CSGALNACT2: variants seen among roughly 807,000 people sequenced by gnomAD.
CSGALNACT2 encodes beta 4 GalNAcT-2.
Under a neutral mutation model 55.3 loss-of-function variants are expected in CSGALNACT2, and 35 were observed. The observed-to-expected ratio is 0.63, with a 90% CI of 0.48 to 0.84. CSGALNACT2 has a LOEUF of 0.84. CSGALNACT2 is among the 40% of genes least tolerant of loss of function. The pLI is 0.00. For synonymous variants in CSGALNACT2, 196 were observed against 224.9 expected (o/e 0.87, Z 1.15); for missense variants, 544 against 657.5 (o/e 0.83, Z 1.89).
At chr10:43,148,400 A>G (rs1014677210) in intron 1 of CSGALNACT2, among the ~76,000 whole-genome samples, 1 of 152,230 alleles carries the variant, frequency 6.6e-6, no homozygotes, top group African/African-American at 2.4e-5. Context: ...TATAAATTTT[A>G]AGATCAGCTT....
At chr10:43,164,432 C>A (rs1839216073) in intron 5 of CSGALNACT2, among the ~76,000 whole-genome samples, 1 of 152,164 alleles carries the variant, frequency 6.6e-6, no homozygotes, top group African/African-American at 2.4e-5. Flanking sequence ...TGCAAAAATA[C>A]CCCCATGCAT....
At chr10:43,157,076 C>T (rs548463599) in intron 2 of CSGALNACT2, among the ~76,000 whole-genome samples, 30 of 152,346 alleles carry the variant, frequency 2.0e-4, no homozygotes, top group Non-Finnish European at 1.3e-4. Flanking sequence ...CTTTTTTCTG[C>T]TGTCACTTCC....
chr10:43,147,282 T>C (rs1838778543), intron 1 of CSGALNACT2, among the ~76,000 whole-genome samples: 1 of 152,186 alleles, frequency 6.6e-6, no homozygotes. Context: ...GCCGAGCATC[T>C]TTTTCAAGTG....
Position 43,154,937 on chromosome 10 carries a change from G to T in CSGALNACT2, c.-213G>T. The T allele has an allele frequency of 1.9e-6, 1 of 538,496 alleles. No homozygotes were observed. The allele number at this position is 538,496 out of a possible 1,614,324, so 33.4% of individuals were successfully genotyped here. ...TATAATGGATTTTATATATCAGATT[G>T]CTTTATTCTGGATATCATGGTAACA... On this transcript the variant is annotated 5_prime_UTR_variant, in exon 2 of 8. Transcript: ENST00000374466.
At chr10:43,170,406 G>A (rs1839359600) in intron 6 of CSGALNACT2, among the ~76,000 whole-genome samples, 2 of 152,180 alleles carry the variant, frequency 1.3e-5, no homozygotes, top group African/African-American at 4.8e-5. Context: ...AAGTAAGAAA[G>A]CACTCAATAA....
intron 1 of CSGALNACT2, among the ~76,000 whole-genome samples, chr10:43,142,312 A>G (rs1377508973): frequency 2.0e-5 from 3 of 151,934 alleles, no homozygotes; most frequent in Non-Finnish European, 4.4e-5. Flanking sequence ...CCTGGGTTCA[A>G]GTGATTCTCC....
intron 1 of CSGALNACT2, among the ~76,000 whole-genome samples, chr10:43,150,238 A>G (rs1271835461): frequency 2.6e-5 from 4 of 152,128 alleles, no homozygotes; most frequent in Admixed American, 6.5e-5. Context: ...GTTAGTTTCT[A>G]TCTTTCTAGG....
At chr10:43,146,837 C>T (rs1051229182) in intron 1 of CSGALNACT2, among the ~76,000 whole-genome samples, 1 of 151,856 alleles carries the variant, frequency 6.6e-6, no homozygotes, top group African/African-American at 2.4e-5. Flanking sequence ...CTAGTCCTTC[C>T]ACGTTAACAA....
chr10:43,181,307 G>C (rs772281638), intron 7 of CSGALNACT2, among the ~76,000 whole-genome samples: 9 of 152,206 alleles, frequency 5.9e-5, no homozygotes, highest in Admixed American at 3.3e-4. Flanking sequence ...TTTGAGGGCA[G>C]TGGTTTACCC....
chr10:43,163,880 A>G lies in CSGALNACT2; in HGVS notation c.995A>G (p.His332Arg). ...LESVTSESNF[H>R]NYTLVSLNEE... Reference sequence around the variant, plus strand: ...TTTCCTCATAGTGAGTCTAATTTTCACAATTACACCTTGGTCTCATTGAAT... The same window carrying G: ...TTTCCTCATAGTGAGTCTAATTTTCGCAATTACACCTTGGTCTCATTGAAT... Residue 332 changes from histidine to arginine, a missense_variant, in exon 5 of 8, where the codon CAC becomes CGC. His to Arg is a conservative substitution (Grantham distance 29, BLOSUM62 0). Around this residue, in one of 2 missense-constraint regions of CSGALNACT2, gnomAD observed 374 missense variants for 401.3 expected, o/e 0.93. Coordinates refer to ENST00000374466, the MANE Select transcript of CSGALNACT2 (RefSeq NM_018590.5). The G allele has an allele frequency of 6.2e-7, 1 of 1,612,626 alleles. No homozygotes were observed.
In CSGALNACT2 at chr10:43,162,853, T is replaced by A. The variant is rs1839181540; in HGVS notation, c.981-1013T>A. On this transcript the variant is annotated intron_variant, in intron 4 of 7. Coordinates refer to ENST00000374466, the MANE Select transcript of CSGALNACT2 (RefSeq NM_018590.5). ...AACACAGGAAGCTGATGCTGTGGGT[T>A]TGGGGGCCTCACTGTGAGAACCACT... The A allele has an allele frequency of 3.1e-6, 3 of 975,872 alleles. No homozygotes were observed. The African/African-American group carries it at 5.3e-5, about 17-fold the overall frequency. 60.5% of individuals were successfully genotyped at this position (975,872 alleles called of 1,614,324 possible).
chr10:43,158,546 T>TAA (rs1839068735), intron 2 of CSGALNACT2, among the ~76,000 whole-genome samples, 169 bp from the exon 3 acceptor site: 2 of 152,224 alleles, frequency 1.3e-5, no homozygotes. Flanking sequence ...CCTTTTCTTT[T>TAA]AAGCGAGTAA....
chr10:43,145,131 G>C (rs2133091895), intron 1 of CSGALNACT2, among the ~76,000 whole-genome samples: 1 of 152,246 alleles, frequency 6.6e-6, no homozygotes, highest in East Asian at 1.9e-4. Context: ...TTTTGGTATT[G>C]TTAAAGTATA....
At chr10:43,145,316 A>G (rs1838719983) in intron 1 of CSGALNACT2, among the ~76,000 whole-genome samples, 1 of 151,568 alleles carries the variant, frequency 6.6e-6, no homozygotes, top group Admixed American at 6.6e-5. Flanking sequence ...TTATATTTAT[A>G]TAGTTGCCTT....
intron 1 of CSGALNACT2, among the ~76,000 whole-genome samples, chr10:43,144,863 C>T (rs1305646021): frequency 6.6e-6 from 1 of 152,152 alleles, no homozygotes; most frequent in Non-Finnish European, 1.5e-5. Flanking sequence ...CTACAAATTA[C>T]CTTGCATTTT....
chr10:43,151,313 CTTG>C (rs1206984550), intron 1 of CSGALNACT2, among the ~76,000 whole-genome samples: 1 of 151,974 alleles, frequency 6.6e-6, no homozygotes, highest in Non-Finnish European at 1.5e-5. Flanking sequence ...ATTCTTAAGG[CTTG>C]TTGTGCTATT....
At chr10:43,172,422 TTTTGCCTACACA>T (rs1283832922) in intron 6 of CSGALNACT2, among the ~76,000 whole-genome samples, 2 of 152,226 alleles carry the variant, frequency 1.3e-5, no homozygotes, top group East Asian at 3.8e-4. Flanking sequence ...ACTTGTTCTG[TTTTGCCTACACA>T]TTAATTCATT....
rs1838544621 is a variant in CSGALNACT2, at chr10:43,138,561, G to A, written c.-260G>A. ...GGAGGCGGTGGAGCGCAGAGCGGGC[G>A]AGCGCGGTGAGTACCTGGCCCGGCC... is the stretch of plus-strand genomic sequence containing the variant. On this transcript the variant is annotated 5_prime_UTR_variant, in exon 1 of 8. Coordinates refer to ENST00000374466, the MANE Select transcript of CSGALNACT2 (RefSeq NM_018590.5). 1 of 150,658 alleles carries A rather than the reference G, an allele frequency of 6.6e-6. No homozygotes were observed. The highest frequency in any genetic ancestry group is 1.5e-5 in the Non-Finnish European group (1 of 67,614). 9.3% of individuals were successfully genotyped at this position (150,658 alleles called of 1,614,324 possible).
intron 6 of CSGALNACT2, among the ~76,000 whole-genome samples, chr10:43,173,750 T>C (rs1839426291): frequency 6.6e-6 from 1 of 152,130 alleles, no homozygotes. Context: ...CCGAGCACTT[T>C]GGGATGCCGA....
Sources: allele counts gnomAD v4.1 joint callset (sites outside exome capture counted in the v4.1 genomes callset), GRCh38; gene constraint gnomAD v4.1.1; regional missense constraint gnomAD v4.1.1; transcripts MANE v1.5; gene names NCBI Gene and HGNC (gene_info 2026-07-23, HGNC 2026-07-21).